MAST4: variants seen among roughly 807,000 people sequenced by gnomAD.
MAST4 encodes microtubule associated serine/threonine kinase family member 4.
In MAST4, 89 loss-of-function variants were observed where a neutral mutation model predicts 162.7. That is an observed-to-expected ratio of 0.55 (90% CI 0.46 to 0.65). The LOEUF (loss-of-function observed/expected upper bound fraction) is 0.65. Ranked by LOEUF, MAST4 falls within the 30% of genes least tolerant of loss-of-function variation. MAST4 has a pLI of 0.00. For synonymous variants in MAST4, 1,479 were observed against 1,361.1 expected (o/e 1.09, Z -1.91); for missense variants, 3,153 against 3,374.0 (o/e 0.93, Z 1.62).
At chr5:66,755,247 A>G (rs966288485) in intron 1 of MAST4, among the ~76,000 whole-genome samples, 2 of 152,212 alleles carry the variant, frequency 1.3e-5, no homozygotes, top group African/African-American at 4.8e-5. Flanking sequence ...AGTGTGAAAG[A>G]GAAGTTAAGA....
At chr5:66,787,576 A>G (rs1755175206) in intron 2 of MAST4, among the ~76,000 whole-genome samples, 1 of 152,206 alleles carries the variant, frequency 6.6e-6, no homozygotes. Flanking sequence ...AACCAGTACA[A>G]TGTGCTTGTG....
At chr5:66,950,755 A>G (rs1176104151) in intron 4 of MAST4, among the ~76,000 whole-genome samples, 2 of 152,188 alleles carry the variant, frequency 1.3e-5, no homozygotes, top group African/African-American at 4.8e-5. Context: ...AAATGGGTAT[A>G]TACATATCTG....
intron 3 of MAST4, among the ~76,000 whole-genome samples, chr5:66,823,541 G>A (rs889224696): frequency 3.9e-5 from 6 of 152,052 alleles, no homozygotes; most frequent in South Asian, 2.1e-4. Context: ...GCAGTGGCGC[G>A]ATCTCGGCTC....
intron 4 of MAST4, among the ~76,000 whole-genome samples, chr5:67,003,480 C>T (rs1751523162): frequency 6.6e-6 from 1 of 152,194 alleles, no homozygotes; most frequent in Non-Finnish European, 1.5e-5. Flanking sequence ...ACCCCCTCTT[C>T]CTTCTCTTTA....
At chr5:67,037,940 A>G (rs10062901) in intron 4 of MAST4, among the ~76,000 whole-genome samples, 7 of 152,222 alleles carry the variant, frequency 4.6e-5, no homozygotes, top group African/African-American at 7.2e-5. Context: ...GCCTGATACA[A>G]TAATCCAAAA....
chr5:66,644,576 C>T (rs74504101), intron 1 of MAST4, among the ~76,000 whole-genome samples: 8,081 of 152,176 alleles, frequency 0.053, 282 homozygotes, highest in Non-Finnish European at 0.077. Context: ...AGTATTCCAT[C>T]TGGTATGGTT....
At chr5:66,977,392 C>T (rs900363122) in intron 4 of MAST4, among the ~76,000 whole-genome samples, 1 of 152,142 alleles carries the variant, frequency 6.6e-6, no homozygotes, top group Non-Finnish European at 1.5e-5. Flanking sequence ...TGAGCCACCA[C>T]GCCCGGCTAT....
intron 1 of MAST4, among the ~76,000 whole-genome samples, chr5:66,674,324 G>T (rs969744947): frequency 6.6e-6 from 1 of 152,200 alleles, no homozygotes; most frequent in African/African-American, 2.4e-5. Flanking sequence ...ACCACCTGCT[G>T]TTTGCTGTAA....
chr5:66,678,214 A>G (rs1273605562), intron 1 of MAST4, among the ~76,000 whole-genome samples: 1 of 151,962 alleles, frequency 6.6e-6, no homozygotes, highest in Non-Finnish European at 1.5e-5. Context: ...AGTTGAACTC[A>G]CAGAAGCAGA....
intron 5 of MAST4, among the ~76,000 whole-genome samples, chr5:67,078,865 TATATATTTATATAA>T (rs1762093829): frequency 8.9e-6 from 1 of 112,590 alleles, no homozygotes; most frequent in Non-Finnish European, 1.7e-5. Flanking sequence ...TTTATATAAA[TATATATTTATATAA>T]ATATATTTAT....
chr5:67,077,371 A>T (rs547366416), intron 5 of MAST4, among the ~76,000 whole-genome samples: 1 of 152,220 alleles, frequency 6.6e-6, no homozygotes, highest in African/African-American at 2.4e-5. Flanking sequence ...GGCTATTTTA[A>T]TGTGAAGCCA....
intron 1 of MAST4, among the ~76,000 whole-genome samples, chr5:66,636,515 C>A (rs7732647): frequency 0.38 from 57,602 of 151,868 alleles, 11,304 homozygotes; most frequent in East Asian, 0.57. Context: ...TGGTGGTTAG[C>A]ACAATGAGAT....
intron 1 of MAST4, among the ~76,000 whole-genome samples, chr5:66,700,798 TATACACACAC>T (rs1455542923): frequency 8.1e-4 from 110 of 136,216 alleles, no homozygotes; most frequent in African/African-American, 2.6e-3. Flanking sequence ...TATATATATA[TATACACACAC>T]ACACACACAC....
At chr5:66,612,691 G>A (rs1469990736) in intron 1 of MAST4, among the ~76,000 whole-genome samples, 2 of 152,106 alleles carry the variant, frequency 1.3e-5, no homozygotes, top group Non-Finnish European at 2.9e-5. Flanking sequence ...CTACGGGGAG[G>A]GAACCAACCT....
At chr5:66,714,899 C>G (rs1220440656) in intron 1 of MAST4, among the ~76,000 whole-genome samples, 1 of 152,200 alleles carries the variant, frequency 6.6e-6, no homozygotes, top group East Asian at 1.9e-4. Flanking sequence ...TTTGGCTTCT[C>G]TCACGTACAT....
chr5:66,767,170 CGTGTGTGTGTGTGTGTGTGTGTGTGTGT>C (rs60766673), intron 2 of MAST4, among the ~76,000 whole-genome samples: 1 of 139,480 alleles, frequency 7.2e-6, no homozygotes, highest in East Asian at 2.2e-4. Flanking sequence ...GTAAAGTGCA[CGTGTGTGTGTGTGTGTGTGTGTGTGTGT>C]GTGTGTGTGT....
chr5:66,995,818 G>A (rs1750567158), intron 4 of MAST4, among the ~76,000 whole-genome samples: 1 of 151,874 alleles, frequency 6.6e-6, no homozygotes, highest in Non-Finnish European at 1.5e-5. Flanking sequence ...GGAGGTTGCA[G>A]TGAGCCATGA....
chr5:66,712,898 T>G (rs969902642), intron 1 of MAST4, among the ~76,000 whole-genome samples: 28 of 152,334 alleles, frequency 1.8e-4, no homozygotes, highest in Middle Eastern at 3.4e-3. Context: ...AAAGTTGATT[T>G]GCAGTATTGC....
At chr5:66,682,950 C>T (rs1202727052) in intron 1 of MAST4, among the ~76,000 whole-genome samples, 1 of 152,192 alleles carries the variant, frequency 6.6e-6, no homozygotes, top group Non-Finnish European at 1.5e-5. Context: ...TGGCTGTCCT[C>T]TTGGCTGGTG....
Sources: allele counts gnomAD v4.1 joint callset (sites outside exome capture counted in the v4.1 genomes callset), GRCh38; gene constraint gnomAD v4.1.1; transcripts MANE v1.5; gene names NCBI Gene and HGNC (gene_info 2026-07-23, HGNC 2026-07-21).